The following PTPRT variants were observed in gnomAD, a reference collection of about 807,000 sequenced individuals.
PTPRT encodes the protein protein tyrosine phosphatase receptor type T, also known as receptor-type tyrosine-protein phosphatase T.
PTPRT carries 56 observed loss-of-function variants against 176.8 expected under a neutral mutation model. The observed-to-expected ratio is 0.32, with a 90% CI of 0.26 to 0.40. The LOEUF is 0.40. Among genes scored for constraint, PTPRT ranks in the 10% least tolerant of loss-of-function variants. The pLI, the probability that PTPRT is intolerant of heterozygous loss-of-function variation, is 1.00. For missense variants in PTPRT, 1,540 were observed against 1,908.2 expected, an observed-to-expected ratio of 0.81 and a Z score of 3.60; for synonymous variants, 783 against 739.0, an observed-to-expected ratio of 1.06 and a Z score of -0.96.
rs367864223 is a variant in PTPRT at position 42,461,405 on chromosome 20, C to T, written c.1450+10861G>A. Among the ~76,000 whole-genome samples, 7 of 152,202 alleles carry T rather than the reference C, an allele frequency of 4.6e-5. No individual in the cohort carries two copies. In the South Asian group the frequency reaches 1.0e-3, roughly 23 times the overall value. On this transcript the variant is annotated intron_variant, in intron 8 of 30. Transcript: ENST00000373187. Reference sequence around the variant, plus strand: ...GCACACTTGCACATGCCTATATGTGCCTATCCCACATGTCCTAGCTACTGG... The same window carrying T: ...GCACACTTGCACATGCCTATATGTGTCTATCCCACATGTCCTAGCTACTGG...
At chr20:42,736,150 T>C (rs932295593) in intron 6 of PTPRT, among the ~76,000 whole-genome samples, 1 of 152,114 alleles carries the variant, frequency 6.6e-6, no homozygotes, top group African/African-American at 2.4e-5. Context: ...TGCTGTTGAT[T>C]TGGGGGCATG....
intron 2 of PTPRT, among the ~76,000 whole-genome samples, chr20:42,840,200 A>AC (rs1421699179): frequency 7.2e-6 from 1 of 139,000 alleles, no homozygotes; most frequent in Non-Finnish European, 1.6e-5. Flanking sequence ...CAGCTGCGTG[A>AC]CCCCCATCTC....
intron 7 of PTPRT, among the ~76,000 whole-genome samples, chr20:42,570,655 T>A (rs890031080): frequency 6.6e-6 from 1 of 152,144 alleles, no homozygotes; most frequent in Non-Finnish European, 1.5e-5. Context: ...ACCTATCTCA[T>A]TGGTTTCTAA....
At chr20:42,506,777 G>T (rs1010367043) in intron 7 of PTPRT, among the ~76,000 whole-genome samples, 1 of 152,084 alleles carries the variant, frequency 6.6e-6, no homozygotes, top group Non-Finnish European at 1.5e-5. Flanking sequence ...GAATCAATCC[G>T]TACGTTTTTA....
chr20:42,215,488 C>T (rs2055746700), intron 15 of PTPRT, among the ~76,000 whole-genome samples: 2 of 152,144 alleles, frequency 1.3e-5, no homozygotes, highest in East Asian at 1.9e-4. Context: ...CCCAGCAATC[C>T]GCATGACTTT....
intron 1 of PTPRT, chr20:42,966,410 A>C (rs1402090755): frequency 6.6e-6 from 1 of 152,138 alleles, no homozygotes; most frequent in African/African-American, 2.4e-5. Flanking sequence ...GTGTTCCCTC[A>C]GTCCCTCCTG....
At chr20:43,075,331 A>G (rs1326362264) in intron 1 of PTPRT, among the ~76,000 whole-genome samples, 1 of 152,272 alleles carries the variant, frequency 6.6e-6, no homozygotes, top group East Asian at 1.9e-4. Context: ...GGCACGGTGA[A>G]GAGTCCTCTC....
At chr20:42,282,340 T>C (rs1308462903) in intron 13 of PTPRT, 149 bp downstream of exon 13, 6 of 728,466 alleles carry the variant, frequency 8.2e-6, no homozygotes, top group Non-Finnish European at 1.4e-5. Flanking sequence ...CACCCTAGAA[T>C]GTATGTTCTA....
intron 25 of PTPRT, 114 bp from the exon 26 acceptor site, chr20:42,102,411 G>T: frequency 8.9e-7 from 1 of 1,126,252 alleles, no homozygotes; most frequent in Non-Finnish European, 1.3e-6. Context: ...TCTAAGCGCA[G>T]CCCCACTCTC....
chr20:42,756,022 G>A (rs1222613511), intron 6 of PTPRT, among the ~76,000 whole-genome samples: 1 of 152,040 alleles, frequency 6.6e-6, no homozygotes, highest in East Asian at 1.9e-4. Context: ...GTGGGGTGAG[G>A]AATTATTCAT....
the PTPRT span, among the ~76,000 whole-genome samples, chr20:42,048,926 A>G: frequency 6.6e-6 from 1 of 152,016 alleles, no homozygotes; most frequent in East Asian, 1.9e-4. Flanking sequence ...GGTTCAAGCA[A>G]TTCTCCTGCC....
intron 7 of PTPRT, among the ~76,000 whole-genome samples, chr20:42,593,503 A>C (rs1026168714): frequency 3.3e-5 from 5 of 152,184 alleles, no homozygotes; most frequent in Admixed American, 6.5e-5. Context: ...ACTTATTGCC[A>C]TTTAGACTGA....
rs534072937 is a variant in PTPRT at position 42,639,584 on chromosome 20, T to G, written c.1153+38282A>C. ...CATTCCCCTAGCACAGCCTACAGCA[T>G]TTCACTAAAAAGCACCCAGAGAACT... On this transcript the variant is annotated intron_variant, in intron 7 of 30. Transcript: ENST00000373187. Among the ~76,000 whole-genome samples the G allele has an allele frequency of 5.9e-5, 9 of 152,164 alleles. No individual in the cohort carries two copies. The East Asian group carries it at 1.7e-3, about 29-fold the overall frequency.
chr20:42,141,335 T>C (rs1988616616), intron 18 of PTPRT, among the ~76,000 whole-genome samples: 1 of 152,184 alleles, frequency 6.6e-6, no homozygotes, highest in South Asian at 2.1e-4. Flanking sequence ...AAGCCCCAGG[T>C]GTATGCCAGA....
At chr20:42,248,564 C>A in intron 14 of PTPRT, 123 bp downstream of exon 14, 1 of 1,284,402 alleles carries the variant, frequency 7.8e-7, no homozygotes, top group Admixed American at 2.0e-5. Flanking sequence ...TATTTCCGGA[C>A]CTCAATGGTT....
chr20:42,037,758 A>G, the PTPRT span, among the ~76,000 whole-genome samples: 1 of 152,210 alleles, frequency 6.6e-6, no homozygotes, highest in African/African-American at 2.4e-5. Context: ...ATGTGAAGAT[A>G]GATAACTGAA....
chr20:42,810,557 T>C (rs556843712), intron 2 of PTPRT, among the ~76,000 whole-genome samples: 1 of 152,334 alleles, frequency 6.6e-6, no homozygotes, highest in East Asian at 1.9e-4. Context: ...TGCACTAGAT[T>C]GCCTTAAAAG....
At chr20:42,784,745 TA>T (rs59756461) in intron 3 of PTPRT, among the ~76,000 whole-genome samples, 71,587 of 151,698 alleles carry the variant, frequency 0.47, 19,110 homozygotes, top group Non-Finnish European at 0.61. Context: ...AACTACCAAA[TA>T]AAAGATAATT....
At chr20:42,975,477 TA>T (rs1311129393) in intron 1 of PTPRT, among the ~76,000 whole-genome samples, 1 of 152,240 alleles carries the variant, frequency 6.6e-6, no homozygotes, top group African/African-American at 2.4e-5. Flanking sequence ...TATGGATAGG[TA>T]CTTTTTTATA....
Sources: gnomAD v4.1 joint callset for allele counts (sites outside exome capture counted in the v4.1 genomes callset) on GRCh38, gnomAD v4.1.1 for gene constraint, MANE v1.5 for transcripts, NCBI Gene and HGNC (gene_info 2026-07-23, HGNC 2026-07-21) for gene names.